Variants in CYP20A1 observed in about 807,000 individuals in gnomAD.
CYP20A1 encodes the protein cytochrome P450 family 20 subfamily A member 1.
In CYP20A1, 61 loss-of-function variants were observed where a neutral mutation model predicts 61.4. That is an observed-to-expected ratio of 0.99 (90% CI 0.81 to 1.23). The LOEUF (loss-of-function observed/expected upper bound fraction) is 1.23. Ranked by LOEUF, CYP20A1 falls within the 50% of genes most tolerant of loss-of-function variation. The pLI is 0.00. For missense variants in CYP20A1, 530 were observed against 542.4 expected, an observed-to-expected ratio of 0.98 and a Z score of 0.23; for synonymous variants, 193 against 188.2, an observed-to-expected ratio of 1.03 and a Z score of -0.21.
intron 6 of CYP20A1, among the ~76,000 whole-genome samples, chr2:203,273,881 AAGTTGC>A (rs1412281627): frequency 6.6e-6 from 1 of 152,192 alleles, no homozygotes; most frequent in African/African-American, 2.4e-5. Flanking sequence ...CTGGAGGCAG[AAGTTGC>A]AGTGAGCTGA....
At chr2:203,256,923 C>T (rs939346761) in intron 4 of CYP20A1, among the ~76,000 whole-genome samples, 1 of 152,194 alleles carries the variant, frequency 6.6e-6, no homozygotes, top group African/African-American at 2.4e-5. Flanking sequence ...CTAACTTCTA[C>T]TCCAGCCTCC....
chr2:203,293,862 A>G (rs924310779), intron 11 of CYP20A1, among the ~76,000 whole-genome samples: 1 of 152,164 alleles, frequency 6.6e-6, no homozygotes, highest in African/African-American at 2.4e-5. Flanking sequence ...GTTCTGTGGT[A>G]CGTGGGTTAT....
chr2:203,271,069 T>C (rs1462143524), intron 5 of CYP20A1, among the ~76,000 whole-genome samples: 1 of 78,878 alleles, frequency 1.3e-5, no homozygotes, highest in Non-Finnish European at 2.7e-5. Context: ...TATATATATA[T>C]ATATATATAT....
chr2:203,275,549 C>T (rs902867249), intron 6 of CYP20A1, among the ~76,000 whole-genome samples: 37 of 151,918 alleles, frequency 2.4e-4, no homozygotes, highest in Non-Finnish European at 2.5e-4. Flanking sequence ...AAACGATTCT[C>T]GGGCCTCAGC....
Position 203,303,428 on chromosome 2 carries a change from G to A in CYP20A1, c.*6520G>A, listed in dbSNP as rs1575298939. Among the ~76,000 whole-genome samples, 1 of 152,086 alleles carries A rather than the reference G, an allele frequency of 6.6e-6. No homozygotes were observed. The highest frequency in any genetic ancestry group is 1.9e-4 in the East Asian group (1 of 5,194). On this transcript the variant is annotated 3_prime_UTR_variant, in exon 13 of 13. Coordinates refer to ENST00000356079, the MANE Select transcript of CYP20A1 (RefSeq NM_177538.3). ...GCTATTCATAATTATTGCAAAAATA[G>A]GCCGGGCCTGTAATTCCAGCACTTT...
chr2:203,262,325 T>C (rs1457120443), intron 4 of CYP20A1, among the ~76,000 whole-genome samples: 2 of 152,194 alleles, frequency 1.3e-5, no homozygotes, highest in South Asian at 2.1e-4. Flanking sequence ...CTCAAAGTGC[T>C]GGGATTACAG....
rs755020063 is a variant in CYP20A1, at chr2:203,300,155, G to A, written c.*3247G>A. ...CCAGAGTCAGCCAGTTGGCATAACT[G>A]CCAATAAATGAGGCAGTGTAGAATA... On this transcript the variant is annotated 3_prime_UTR_variant, in exon 13 of 13. Transcript: ENST00000356079. Among the ~76,000 whole-genome samples the A allele has an allele frequency of 2.0e-5, 3 of 152,194 alleles. No individual in the cohort carries two copies. Among genetic ancestry groups the A allele is most frequent in the Non-Finnish European group, 4.4e-5 (3 of 68,040 alleles).
At chr2:203,296,368 A>AT (rs1403750018) in intron 11 of CYP20A1, 106 bp from the exon 12 acceptor site, 1 of 621,682 alleles carries the variant, frequency 1.6e-6, no homozygotes, top group Non-Finnish European at 2.8e-6. Flanking sequence ...AGCACTTTCT[A>AT]TTTTCAGTTG....
chr2:203,273,168 C>T lies in CYP20A1; in HGVS notation c.679+420C>T, dbSNP rs113437070. On this transcript the variant is annotated intron_variant, in intron 6 of 12. Transcript: ENST00000356079. ...CCTATATTTATTTTCTTTCTTTATG[C>T]TTTTTTCTATATTTTCTACAATGAA... 4.3e-3 allele frequency among the ~76,000 whole-genome samples: 657 copies of T among 152,086 alleles called. 3 individuals are homozygous for T. The highest frequency in any genetic ancestry group is 7.9e-3 in the Non-Finnish European group (538 of 67,990).
At chr2:203,289,656 T>C in intron 9 of CYP20A1, 109 bp from the exon 10 acceptor site, 1 of 487,692 alleles carries the variant, frequency 2.1e-6, no homozygotes, top group Non-Finnish European at 3.7e-6. Flanking sequence ...ATGGGACTAT[T>C]TCAAGTTGGG....
rs1559110332 is a variant in CYP20A1, at chr2:203,294,940, AATT to A, written c.1149-1533_1149-1531del. On this transcript the variant is annotated intron_variant, in intron 11 of 12. Coordinates refer to ENST00000356079, the MANE Select transcript of CYP20A1 (RefSeq NM_177538.3). ...AGCCACTGTGCCCAGCCTTTAAAAA[AATT>A]TTTTTTTTTTTTTTTTTTTTTTTTT... 2.0e-3 allele frequency among the ~76,000 whole-genome samples: 184 copies of A among 91,206 alleles called. 18 individuals carry two copies. Among genetic ancestry groups the A allele is most frequent in the Admixed American group, 2.2e-3 (15 of 6,888 alleles). The allele number at this position is 91,206 out of a possible 152,430, so 59.8% of individuals were successfully genotyped here. A position where few individuals can be genotyped will look rare whatever the true frequency, so the allele number is the denominator to read the frequency against.
chr2:203,272,112 C>G (rs2067626118), intron 5 of CYP20A1, among the ~76,000 whole-genome samples: 1 of 152,232 alleles, frequency 6.6e-6, no homozygotes, highest in African/African-American at 2.4e-5. Flanking sequence ...AGGAATTTTT[C>G]ACTTTCCATT....
intron 9 of CYP20A1, among the ~76,000 whole-genome samples, chr2:203,289,144 TA>T (rs1203755857): frequency 1.3e-5 from 2 of 151,906 alleles, no homozygotes; most frequent in Non-Finnish European, 1.5e-5. Flanking sequence ...ATCTGGCAAG[TA>T]AAAAAAATGC....
chr2:203,295,230 C>T (rs2068739162), intron 11 of CYP20A1, among the ~76,000 whole-genome samples: 1 of 151,804 alleles, frequency 6.6e-6, no homozygotes, highest in South Asian at 2.1e-4. Context: ...CAGGCGTGAG[C>T]CACCGCGCCT....
At position 203,292,256 on chromosome 2, in the gene CYP20A1, T is replaced by TC. The variant is rs1162715832; in HGVS notation, c.1084-5dup. On this transcript the variant is annotated splice_polypyrimidine_tract_variant and splice_region_variant and intron_variant, in intron 10 of 12. Coordinates refer to ENST00000356079, the MANE Select transcript of CYP20A1 (RefSeq NM_177538.3). ...CCTTGACTAATTGGATTTTTTTTTTTCACAGACCCTCGTCCTTTATGCCCT... is the reference window on the plus strand; with the variant it reads ...CCTTGACTAATTGGATTTTTTTTTTTCCACAGACCCTCGTCCTTTATGCCCT... The TC allele has an allele frequency of 1.2e-6, 2 of 1,607,612 alleles. No individual in the cohort carries two copies. The highest frequency in any genetic ancestry group is 1.7e-6 in the Non-Finnish European group (2 of 1,176,336).
At chr2:203,265,871 A>G (rs1289058990) in intron 4 of CYP20A1, among the ~76,000 whole-genome samples, 1 of 152,058 alleles carries the variant, frequency 6.6e-6, no homozygotes, top group Admixed American at 6.6e-5. Flanking sequence ...TTGTATTTTT[A>G]GTAGAGATAG....
intron 8 of CYP20A1, 119 bp downstream of exon 8, chr2:203,280,232 G>C: frequency 4.6e-6 from 3 of 654,248 alleles, no homozygotes; most frequent in South Asian, 2.9e-5. Context: ...CTTGAGGCCA[G>C]GAGTTGGAGG....
intron 8 of CYP20A1, among the ~76,000 whole-genome samples, chr2:203,282,118 A>G (rs1266362429): frequency 6.7e-6 from 1 of 149,090 alleles, no homozygotes; most frequent in Non-Finnish European, 1.5e-5. Flanking sequence ...GGTCACTGCA[A>G]CCTCCACCTC....
chr2:203,290,500 A>G (rs1208715636), intron 10 of CYP20A1, among the ~76,000 whole-genome samples: 1 of 152,132 alleles, frequency 6.6e-6, no homozygotes, highest in Non-Finnish European at 1.5e-5. Context: ...TATATGTGAA[A>G]AGTTACTCTT....
Sources: gnomAD v4.1 joint callset for allele counts (sites outside exome capture counted in the v4.1 genomes callset) on GRCh38, gnomAD v4.1.1 for gene constraint, MANE v1.5 for transcripts, NCBI Gene and HGNC (gene_info 2026-07-23, HGNC 2026-07-21) for gene names.